The following RAPGEF5 variants were observed in gnomAD, a reference collection of about 807,000 sequenced individuals.
The protein encoded by RAPGEF5 is Rap guanine nucleotide exchange factor 5.
Under a neutral mutation model 125.2 loss-of-function variants are expected in RAPGEF5, and 65 were observed. The ratio of observed to expected loss-of-function variants is 0.52; its 90% CI spans 0.43 to 0.64. The LOEUF is 0.64. RAPGEF5 is among the 30% of genes least tolerant of loss of function. The pLI, the probability that RAPGEF5 is intolerant of heterozygous loss-of-function variation, is 0.00. For missense variants in RAPGEF5, 958 were observed against 1,048.1 expected, an observed-to-expected ratio of 0.91 and a Z score of 1.19; for synonymous variants, 391 against 385.9, an observed-to-expected ratio of 1.01 and a Z score of -0.16.
chr7:22,308,773 C>G (rs1156779878), intron 4 of RAPGEF5, among the ~76,000 whole-genome samples: 2 of 152,114 alleles, frequency 1.3e-5, no homozygotes, highest in Non-Finnish European at 2.9e-5. Context: ...CAGATAAAAT[C>G]AATAACAATT....
At chr7:22,162,038 G>C (rs1784018111) in intron 13 of RAPGEF5, among the ~76,000 whole-genome samples, 1 of 152,086 alleles carries the variant, frequency 6.6e-6, no homozygotes, top group South Asian at 2.1e-4. Context: ...ATGTTTCAAA[G>C]AACATACATT....
chr7:22,155,665 G>C (rs1300300807), intron 16 of RAPGEF5, among the ~76,000 whole-genome samples: 2 of 152,184 alleles, frequency 1.3e-5, no homozygotes, highest in East Asian at 3.8e-4. Context: ...TATTTGGTTT[G>C]GTTGGGTACG....
Position 22,332,076 on chromosome 7 carries a change from T to G in RAPGEF5, c.232-14039A>C, listed in dbSNP as rs148363425. On this transcript the variant is annotated intron_variant, in intron 1 of 25. Coordinates refer to ENST00000665637, the MANE Select transcript of RAPGEF5 (RefSeq NM_012294.5). ...ACTGTACACTGAAAAATGGTTATGA[T>G]GAAAAATTTTATCTTATGTGTATTT... is the stretch of plus-strand genomic sequence containing the variant. Among the ~76,000 whole-genome samples the G allele has an allele frequency of 3.8e-4, 58 of 152,312 alleles. 1 individual carries two copies. The East Asian group carries it at 0.011, about 28-fold the overall frequency.
chr7:22,250,958 T>TG (rs1786603819), intron 7 of RAPGEF5, among the ~76,000 whole-genome samples: 1 of 152,122 alleles, frequency 6.6e-6, no homozygotes, highest in Admixed American at 6.6e-5. Context: ...AGGAGTCAAA[T>TG]TTCCTGGCCA....
chr7:22,279,385 A>C (rs1167999065), intron 6 of RAPGEF5, among the ~76,000 whole-genome samples: 1 of 152,208 alleles, frequency 6.6e-6, no homozygotes, highest in East Asian at 1.9e-4. Context: ...CATGATTGGC[A>C]TAGGATCTAT....
intron 1 of RAPGEF5, among the ~76,000 whole-genome samples, chr7:22,347,095 A>G (rs1018824343): frequency 2.0e-5 from 3 of 152,178 alleles, no homozygotes; most frequent in Non-Finnish European, 4.4e-5. Context: ...AATTATGTAT[A>G]TACACACACA....
intron 24 of RAPGEF5, among the ~76,000 whole-genome samples, chr7:22,128,644 A>G (rs566408196): frequency 6.6e-6 from 1 of 152,316 alleles, no homozygotes; most frequent in Non-Finnish European, 1.5e-5. Flanking sequence ...TATATGACAT[A>G]AAACTGCTTT....
chr7:22,334,208 T>C (rs1363203029), intron 1 of RAPGEF5, among the ~76,000 whole-genome samples: 1 of 152,240 alleles, frequency 6.6e-6, no homozygotes, highest in Non-Finnish European at 1.5e-5. Flanking sequence ...CAGATGGGTT[T>C]GTCTACCACA....
chr7:22,313,694 T>C (rs1419020639), intron 3 of RAPGEF5, among the ~76,000 whole-genome samples: 2 of 152,252 alleles, frequency 1.3e-5, no homozygotes, highest in Non-Finnish European at 2.9e-5. Flanking sequence ...AGAATAATGA[T>C]TGATGTTACA....
chr7:22,158,344 A>G (rs931791314), intron 14 of RAPGEF5, among the ~76,000 whole-genome samples: 1 of 152,176 alleles, frequency 6.6e-6, no homozygotes, highest in Non-Finnish European at 1.5e-5. Context: ...TGTGTGGTGG[A>G]ACTGGGAACA....
At chr7:22,133,398 C>T (rs1287345587) in intron 23 of RAPGEF5, among the ~76,000 whole-genome samples, 3 of 152,066 alleles carry the variant, frequency 2.0e-5, no homozygotes, top group African/African-American at 4.8e-5. Flanking sequence ...CTGAAAAAAA[C>T]GAAGATGTCA....
chr7:22,243,577 A>C (rs1786396105), intron 7 of RAPGEF5, among the ~76,000 whole-genome samples: 1 of 152,242 alleles, frequency 6.6e-6, no homozygotes, highest in Non-Finnish European at 1.5e-5. Context: ...CTGATAGAGC[A>C]TTAGTTATCA....
chr7:22,230,131 T>C (rs1786022299), intron 8 of RAPGEF5, among the ~76,000 whole-genome samples: 1 of 152,166 alleles, frequency 6.6e-6, no homozygotes, highest in African/African-American at 2.4e-5. Context: ...TTGGAGAAAG[T>C]GGTAAATACA....
At chr7:22,126,608 T>A (rs191555397) in intron 24 of RAPGEF5, among the ~76,000 whole-genome samples, 1 of 152,158 alleles carries the variant, frequency 6.6e-6, no homozygotes, top group African/African-American at 2.4e-5. Flanking sequence ...TTCTAAAACA[T>A]TAACATCATT....
chr7:22,313,731 A>G (rs1292955145), intron 3 of RAPGEF5, among the ~76,000 whole-genome samples: 1 of 152,284 alleles, frequency 6.6e-6, no homozygotes, highest in Admixed American at 6.5e-5. Flanking sequence ...TAAAATGAAT[A>G]CTGTGAGCTT....
At chr7:22,219,472 A>G (rs539253558) in intron 9 of RAPGEF5, among the ~76,000 whole-genome samples, 92 of 150,242 alleles carry the variant, frequency 6.1e-4, no homozygotes, top group Non-Finnish European at 1.2e-3. Flanking sequence ...TGGCAACTAG[A>G]TCCACCTCTG....
At chr7:22,335,795 T>C (rs1405190266) in intron 1 of RAPGEF5, among the ~76,000 whole-genome samples, 1 of 152,036 alleles carries the variant, frequency 6.6e-6, no homozygotes, top group African/African-American at 2.4e-5. Flanking sequence ...GCAACTCCTT[T>C]CCTTCTCTGT....
intron 6 of RAPGEF5, among the ~76,000 whole-genome samples, chr7:22,272,342 C>CAAAAAAAAAAAAAAAAAAAAAAAAGGA (rs1282857477): frequency 8.3e-5 from 3 of 35,960 alleles, no homozygotes; most frequent in Non-Finnish European, 6.1e-5. Flanking sequence ...GACTCCGTCT[C>CAAAAAAAAAAAAAAAAAAAAAAAAGGA]AAAAAAAAAA....
intron 7 of RAPGEF5, among the ~76,000 whole-genome samples, chr7:22,262,316 C>A (rs1310443890): frequency 1.2e-4 from 19 of 152,062 alleles, no homozygotes; most frequent in Admixed American, 1.2e-3. Flanking sequence ...TTGAGAAGAT[C>A]AACATCATTA....
Sources: gnomAD v4.1 joint callset for allele counts (sites outside exome capture counted in the v4.1 genomes callset) on GRCh38, gnomAD v4.1.1 for gene constraint, MANE v1.5 for transcripts, NCBI Gene and HGNC (gene_info 2026-07-23, HGNC 2026-07-21) for gene names.